The following HGD variants were observed in gnomAD, a reference collection of about 807,000 sequenced individuals.
The protein encoded by HGD is homogentisate 1,2-dioxygenase, also known as homogentisate oxidase.
In HGD, 61 loss-of-function variants were observed where a neutral mutation model predicts 60.8. The ratio of observed to expected loss-of-function variants is 1.00; its 90% CI spans 0.82 to 1.24. The LOEUF (loss-of-function observed/expected upper bound fraction) is 1.24, where lower values mean the gene tolerates loss of function less well. HGD is among the 50% of genes most tolerant of loss of function. The pLI, the probability that HGD is intolerant of heterozygous loss-of-function variation, is 0.00. For synonymous variants in HGD, 212 were observed against 187.7 expected (o/e 1.13, Z -1.06); for missense variants, 542 against 547.1 (o/e 0.99, Z 0.09).
Position 120,628,205 on chromosome 3 carries a change from A to G in HGD, c.*175T>C. The G allele has an allele frequency of 1.5e-6, 1 of 679,698 alleles. No homozygotes were observed. Among genetic ancestry groups the G allele is most frequent in the Non-Finnish European group, 2.6e-6 (1 of 389,554 alleles). 42.1% of individuals were successfully genotyped at this position (679,698 alleles called of 1,614,324 possible). On this transcript the variant is annotated 3_prime_UTR_variant, in exon 14 of 14. Coordinates refer to ENST00000283871, the MANE Select transcript of HGD (RefSeq NM_000187.4). Reference sequence around the variant, plus strand: ...ACACCAGCAAGTTTATTGAGTAATTAAGGTGACAGCCATAGAACTTTGCAA... The same window carrying G: ...ACACCAGCAAGTTTATTGAGTAATTGAGGTGACAGCCATAGAACTTTGCAA...
intron 4 of HGD, among the ~76,000 whole-genome samples, chr3:120,653,077 C>G (rs1198915596): frequency 6.6e-6 from 1 of 152,184 alleles, no homozygotes; most frequent in Non-Finnish European, 1.5e-5. Flanking sequence ...GCTCCTGACA[C>G]TGCAGGGGAA....
chr3:120,646,295 G>T lies in HGD; in HGVS notation c.621C>A (p.His207Gln). Residue 207 changes from histidine (H) to glutamine (Q), a missense_variant, in exon 9 of 14, where the codon CAC becomes CAA. His to Gln is a conservative substitution (Grantham distance 24, BLOSUM62 0). Transcript: ENST00000283871. ...RGYILEVYGVHFELPDLGPIG... is the reference protein window; with the variant it reads ...RGYILEVYGVQFELPDLGPIG... ...TTGGTCCAAGGTCAGGTAACTCAAAGTGGACACCATAGACCTCCAAGATGT... is the reference window on the plus strand; with the variant it reads ...TTGGTCCAAGGTCAGGTAACTCAAATTGGACACCATAGACCTCCAAGATGT... 1 of 1,612,624 alleles carries T rather than the reference G, an allele frequency of 6.2e-7. No homozygotes were observed. The highest frequency in any genetic ancestry group is 1.1e-5 in the South Asian group (1 of 91,066).
Position 120,641,647 on chromosome 3 carries a change from G to GGT in HGD, c.819_820dup (p.Pro274HisfsTer7). 1 of 1,613,962 alleles carries GGT rather than the reference G, an allele frequency of 6.2e-7. No individual in the cohort carries two copies. Among genetic ancestry groups the GGT allele is most frequent in the African/African-American group, 1.3e-5 (1 of 75,028 alleles). On this transcript the variant is annotated frameshift_variant, in exon 11 of 14. Transcript: ENST00000283871. LOFTEE classifies it high-confidence loss of function. ...GAAATTCTTCAGGTTGTACTTGTAGGGTGTATAATTCCCGTGCCAGGCCAC... is the reference window on the plus strand; with the variant it reads ...GAAATTCTTCAGGTTGTACTTGTAGGGTGTGTATAATTCCCGTGCCAGGCCAC...
Position 120,646,289 on chromosome 3 carries a change from C to T in HGD, c.627G>A (p.Glu209=), listed in dbSNP as rs1294312842. Residue 209 remains glutamate, a synonymous_variant, in exon 9 of 14, where the codon GAG becomes GAA. Transcript: ENST00000283871. The part of the protein sequence containing the change: ...YILEVYGVHF[E]LPDLGPIGAN... ...TACCAATTGGTCCAAGGTCAGGTAA[C>T]TCAAAGTGGACACCATAGACCTCCA... 1.2e-6 allele frequency: 2 copies of T among 1,611,836 alleles called. No individual in the cohort carries two copies. Among genetic ancestry groups the T allele is most frequent in the Admixed American group, 3.3e-5 (2 of 60,016 alleles).
intron 4 of HGD, among the ~76,000 whole-genome samples, chr3:120,657,262 A>G (rs1246468933): frequency 6.6e-6 from 1 of 152,250 alleles, no homozygotes; most frequent in Middle Eastern, 3.2e-3. Context: ...AGAATTAAAA[A>G]TTACTTAAGA....
intron 7 of HGD, 101 bp from the exon 8 acceptor site, chr3:120,647,153 A>G (rs1257358408): frequency 5.7e-6 from 5 of 870,646 alleles, no homozygotes; most frequent in Non-Finnish European, 9.9e-6. Context: ...TCCATTCCAA[A>G]TGCAAAGAGC....
At chr3:120,645,560 C>G (rs1941131579) in intron 9 of HGD, among the ~76,000 whole-genome samples, 1 of 152,172 alleles carries the variant, frequency 6.6e-6, no homozygotes, top group African/African-American at 2.4e-5. Flanking sequence ...CCTTGGTTCA[C>G]TTTGGAATGT....
At chr3:120,653,699 A>G (rs1941410452) in intron 4 of HGD, among the ~76,000 whole-genome samples, 1 of 152,250 alleles carries the variant, frequency 6.6e-6, no homozygotes, top group Non-Finnish European at 1.5e-5. Flanking sequence ...CAGTGCTGAA[A>G]TCATGCTTCA....
intron 5 of HGD, 126 bp downstream of exon 5, chr3:120,652,466 G>T: frequency 1.4e-6 from 1 of 724,060 alleles, no homozygotes. Context: ...AGCATACGCA[G>T]GTGGTTTTGT....
chr3:120,673,825 C>A (rs1224594978), intron 3 of HGD, among the ~76,000 whole-genome samples: 2 of 152,152 alleles, frequency 1.3e-5, no homozygotes, highest in African/African-American at 4.8e-5. Flanking sequence ...AGCTAATGTG[C>A]TTTACACACA....
intron 4 of HGD, among the ~76,000 whole-genome samples, chr3:120,663,777 A>G (rs1707832313): frequency 2.5e-5 from 1 of 40,384 alleles, no homozygotes; most frequent in Non-Finnish European, 7.8e-5. Context: ...CAATATTAGG[A>G]ATTTTTATAA....
intron 12 of HGD, among the ~76,000 whole-genome samples, chr3:120,635,724 G>C (rs1191473079): frequency 6.6e-6 from 1 of 151,978 alleles, no homozygotes; most frequent in African/African-American, 2.4e-5. Flanking sequence ...GATCTACCCT[G>C]GGGCCAAATT....
At chr3:120,664,001 GATC>G (rs1707838881) in intron 4 of HGD, among the ~76,000 whole-genome samples, 1 of 151,916 alleles carries the variant, frequency 6.6e-6, no homozygotes, top group Non-Finnish European at 1.5e-5. Flanking sequence ...TCCCTTCCCT[GATC>G]TCTGCGGAAA....
chr3:120,657,584 C>T lies in HGD; in HGVS notation c.283-4933G>A, dbSNP rs141112431. On this transcript the variant is annotated intron_variant, in intron 4 of 13. Transcript: ENST00000283871. ...ATCCAAGAATTTTGAAGTAATTTCT[C>T]GGTGAAATAGTCATCATAGTGTACA... 5.9e-3 allele frequency among the ~76,000 whole-genome samples: 890 copies of T among 152,112 alleles called. 11 individuals are homozygous for T. The highest frequency in any genetic ancestry group is 0.02 in the African/African-American group (836 of 41,498).
intron 2 of HGD, among the ~76,000 whole-genome samples, 166 bp from the exon 3 acceptor site, chr3:120,675,155 T>C (rs1708101992): frequency 6.6e-6 from 1 of 152,122 alleles, no homozygotes; most frequent in Non-Finnish European, 1.5e-5. Flanking sequence ...TGCCCCCCGA[T>C]TATAAAAGTA....
chr3:120,660,595 CG>C (rs1056111323), intron 4 of HGD, among the ~76,000 whole-genome samples: 1 of 152,120 alleles, frequency 6.6e-6, no homozygotes, highest in African/African-American at 2.4e-5. Context: ...GAGGCCGAGG[CG>C]GCCAGATCAC....
chr3:120,649,044 T>G (rs1348451900), intron 6 of HGD, among the ~76,000 whole-genome samples: 1 of 152,016 alleles, frequency 6.6e-6, no homozygotes, highest in Admixed American at 6.6e-5. Context: ...TGACAGTTCT[T>G]GATTTTTCCC....
intron 13 of HGD, among the ~76,000 whole-genome samples, chr3:120,632,547 G>A (rs1181759613): frequency 6.6e-6 from 1 of 152,188 alleles, no homozygotes; most frequent in African/African-American, 2.4e-5. Context: ...AAAAACAGCT[G>A]AGAATTGCTT....
At chr3:120,673,480 G>A (rs184348417) in intron 3 of HGD, among the ~76,000 whole-genome samples, 70 of 151,302 alleles carry the variant, frequency 4.6e-4, no homozygotes, top group Middle Eastern at 3.4e-3. Context: ...AATTATCTGC[G>A]TGCTTATCTT....
Sources: gnomAD v4.1 joint callset for allele counts (sites outside exome capture counted in the v4.1 genomes callset) on GRCh38, gnomAD v4.1.1 for gene constraint, MANE v1.5 for transcripts, NCBI Gene and HGNC (gene_info 2026-07-23, HGNC 2026-07-21) for gene names.